The following HFE variants were observed in gnomAD, a reference collection of about 807,000 sequenced individuals.
HFE encodes the protein hereditary hemochromatosis protein.
A neutral mutation model predicts 40.9 loss-of-function variants in HFE; 36 were observed. The observed-to-expected ratio is 0.88, with a 90% confidence interval of 0.67 to 1.16. The LOEUF is 1.16. HFE is among the 50% of genes most tolerant of loss of function. The pLI is 0.00. For synonymous variants in HFE, 157 were observed against 165.4 expected (o/e 0.95, Z 0.39); for missense variants, 376 against 432.0 (o/e 0.87, Z 1.15).
rs1264255372 is a variant in HFE at position 26,094,625 on chromosome 6, G to A, written c.*399G>A. 1.6e-6 allele frequency: 1 copy of A among 609,828 alleles called. No individual in the cohort carries two copies. The highest frequency in any genetic ancestry group is 1.9e-5 in the African/African-American group (1 of 53,976). The allele number at this position is 609,828 out of a possible 1,614,324, so 37.8% of individuals were successfully genotyped here. On this transcript the variant is annotated 3_prime_UTR_variant, in exon 6 of 6. Coordinates refer to ENST00000357618, the MANE Select transcript of HFE (RefSeq NM_000410.4). ...ATCTGAGAAAAGCTTTGAACCCTGGGACGTGGCTAGTCATAACCTTACCAG... is the reference window on the plus strand; with the variant it reads ...ATCTGAGAAAAGCTTTGAACCCTGGAACGTGGCTAGTCATAACCTTACCAG...
At chr6:26,091,226 G>A in intron 2 of HFE, 88 bp from the exon 3 acceptor site, 1 of 1,603,136 alleles carries the variant, frequency 6.2e-7, no homozygotes, top group Non-Finnish European at 8.5e-7. Flanking sequence ...GAAGGAATTT[G>A]CTTCCTGAGA....
rs1052441985 is a variant in HFE at position 26,094,316 on chromosome 6, G to C, written c.*90G>C. The C allele has an allele frequency of 3.4e-5, 41 of 1,197,714 alleles. No homozygotes were observed. The African/African-American group carries it at 4.6e-4, about 14-fold the overall frequency. The allele number at this position is 1,197,714 out of a possible 1,614,324, so 74.2% of individuals were successfully genotyped here. Reference sequence around the variant, plus strand: ...TATGAGCTCTTCATGTTTCAGGAGAGAGTTGAACCTAAACATAGAAATTGC... The same window carrying C: ...TATGAGCTCTTCATGTTTCAGGAGACAGTTGAACCTAAACATAGAAATTGC... On this transcript the variant is annotated 3_prime_UTR_variant, in exon 6 of 6. Coordinates refer to ENST00000357618, the MANE Select transcript of HFE (RefSeq NM_000410.4).
chr6:26,092,484 G>T, intron 3 of HFE: 1 of 808,622 alleles, frequency 1.2e-6, no homozygotes, highest in South Asian at 1.4e-5. Context: ...CATGTGAGGA[G>T]AACAAGCTGA....
intron 1 of HFE, among the ~76,000 whole-genome samples, chr6:26,090,172 G>A (rs1762577604): frequency 6.6e-6 from 1 of 152,020 alleles, no homozygotes; most frequent in African/African-American, 2.4e-5. Flanking sequence ...GGCTGGGCAC[G>A]GTGGCTCACT....
At position 26,096,426 on chromosome 6, in the gene HFE, G is replaced by T. The variant is rs1329461913; in HGVS notation, c.*2200G>T. On this transcript the variant is annotated 3_prime_UTR_variant, in exon 6 of 6. Coordinates refer to ENST00000357618, the MANE Select transcript of HFE (RefSeq NM_000410.4). ...TGAGATTACAGGTGTGAGCCACCCTGCCCAGCCGTCAAAAGAGTCTTAATA... is the reference window on the plus strand; with the variant it reads ...TGAGATTACAGGTGTGAGCCACCCTTCCCAGCCGTCAAAAGAGTCTTAATA... 2.2e-6 allele frequency: 1 copy of T among 455,210 alleles called. No individual in the cohort carries two copies. Among genetic ancestry groups the T allele is most frequent in the African/African-American group, 2.0e-5 (1 of 49,992 alleles). 28.2% of individuals were successfully genotyped at this position (455,210 alleles called of 1,614,324 possible). A position where few individuals can be genotyped will look rare whatever the true frequency, so the allele number is the denominator to read the frequency against.
intron 2 of HFE, 78 bp from the exon 3 acceptor site, chr6:26,091,236 A>T (rs1339469501): frequency 2.6e-5 from 42 of 1,609,074 alleles, no homozygotes; most frequent in Non-Finnish European, 3.5e-5. Context: ...GCTTCCTGAG[A>T]TCATTTGGTC....
Position 26,096,392 on chromosome 6 carries a change from C to A in HFE, c.*2166C>A, listed in dbSNP as rs1249256047. The A allele has an allele frequency of 2.2e-6, 1 of 453,026 alleles. No homozygotes were observed. Among genetic ancestry groups the A allele is most frequent in the East Asian group, 7.0e-5 (1 of 14,352 alleles). 28.1% of individuals were successfully genotyped at this position (453,026 alleles called of 1,614,324 possible). ...CTCGTGATCCGCCTGCCTCGGCCTC[C>A]CAAAGTGCTGAGATTACAGGTGTGA... On this transcript the variant is annotated 3_prime_UTR_variant, in exon 6 of 6. Coordinates refer to ENST00000357618, the MANE Select transcript of HFE (RefSeq NM_000410.4).
At chr6:26,093,338 T>C (rs1211128326) in intron 5 of HFE, 106 bp downstream of exon 5, 6 of 805,060 alleles carry the variant, frequency 7.5e-6, no homozygotes, top group Non-Finnish European at 1.3e-5. Context: ...TTCTCATTTA[T>C]ATTCTTTGGG....
rs925379061 is a variant in HFE at position 26,094,281 on chromosome 6, G to A, written c.*55G>A. The A allele has an allele frequency of 3.3e-6, 5 of 1,525,146 alleles. No individual in the cohort carries two copies. The highest frequency in any genetic ancestry group is 4.5e-6 in the Non-Finnish European group (5 of 1,099,648). 94.5% of individuals were successfully genotyped at this position (1,525,146 alleles called of 1,614,324 possible). ...GAGACAAAACTAGAGACTCAAAGAG[G>A]GAGTGCATTTATGAGCTCTTCATGT... On this transcript the variant is annotated 3_prime_UTR_variant, in exon 6 of 6. Coordinates refer to ENST00000357618, the MANE Select transcript of HFE (RefSeq NM_000410.4).
chr6:26,088,937 G>C (rs187068984), intron 1 of HFE, among the ~76,000 whole-genome samples: 4 of 150,398 alleles, frequency 2.7e-5, no homozygotes, highest in African/African-American at 9.7e-5. Flanking sequence ...CATGGGTGTT[G>C]TGAGAAGCAG....
Position 26,091,096 on chromosome 6 carries a change from A to C in HFE, c.332A>C (p.His111Pro), listed in dbSNP as rs1401148479. 6.2e-7 allele frequency: 1 copy of C among 1,613,986 alleles called. No homozygotes were observed. Among genetic ancestry groups the C allele is most frequent in the African/African-American group, 1.3e-5 (1 of 74,882 alleles). The change falls in exon 2 of 6, where the codon CAC (histidine) becomes CCC (proline). Residue 111 changes from histidine to proline, a missense_variant. Coordinates refer to ENST00000357618, the MANE Select transcript of HFE (RefSeq NM_000410.4). ...TGGACTATTATGGAAAATCACAACC[A>C]CAGCAAGGGTATGTGGAGAGGGGGC... ...DFWTIMENHN[H>P]SKESHTLQVI...
chr6:26,089,108 T>TGGG (rs60292295), intron 1 of HFE, among the ~76,000 whole-genome samples: 4 of 56,356 alleles, frequency 7.1e-5, no homozygotes, highest in Admixed American at 2.1e-4. Flanking sequence ...TGTGTGTGTG[T>TGGG]GGGGGGGGGG....
rs1041777421 is a variant in HFE, at chr6:26,091,079, T to C, written c.315T>C (p.Ile105=). 6.2e-7 allele frequency: 1 copy of C among 1,614,206 alleles called. No individual in the cohort carries two copies. The highest frequency in any genetic ancestry group is 1.7e-5 in the Admixed American group (1 of 60,028). Residue 105 remains isoleucine (I), a synonymous_variant, in exon 2 of 6, where the codon ATT becomes ATC. Coordinates refer to ENST00000357618, the MANE Select transcript of HFE (RefSeq NM_000410.4). The stretch of plus-strand genomic sequence containing the variant: ...TGTTCACTGTTGACTTCTGGACTAT[T>C]ATGGAAAATCACAACCACAGCAAGG... ...DHMFTVDFWT[I]MENHNHSKES...
chr6:26,091,073 G>C lies in HFE; in HGVS notation c.309G>C (p.Trp103Cys). The part of the protein sequence containing the change: ...GWDHMFTVDF[W>C]TIMENHNHSK... ...ATCACATGTTCACTGTTGACTTCTG[G>C]ACTATTATGGAAAATCACAACCACA... The change falls in exon 2 of 6, where the codon TGG becomes TGC. Residue 103 changes from tryptophan to cysteine, a missense_variant. By Grantham distance (215) the Trp-to-Cys change is radical (BLOSUM62 -2). Transcript: ENST00000357618. 6.2e-7 allele frequency: 1 copy of C among 1,614,142 alleles called. No individual in the cohort carries two copies. Among genetic ancestry groups the C allele is most frequent in the Admixed American group, 1.7e-5 (1 of 60,018 alleles).
In HFE at chr6:26,092,861, C is replaced by T; in HGVS notation, c.793C>T (p.Gln265Ter). 6.2e-7 allele frequency: 1 copy of T among 1,614,184 alleles called. No individual in the cohort carries two copies. ...ATTGCCCAATGGGGATGGGACCTAC[C>T]AGGGCTGGATAACCTTGGCTGTACC... ...DVLPNGDGTY[Q>*]GWITLAVPPG... Residue 265 changes from glutamine (Q) to a stop codon, truncating the protein, a stop_gained, in exon 4 of 6, where the codon CAG (glutamine) becomes TAG (stop). Transcript: ENST00000357618. LOFTEE classifies it high-confidence loss of function.
rs56267433 is a variant in HFE at position 26,090,442 on chromosome 6, CAAAAAAAAAAAA to C, written c.77-381_77-370del. ...TGGGTGATAGAGTGAGACTCTGTCT[CAAAAAAAAAAAA>C]AAAAAAAAAAAAAAAAACTGAAGGA... On this transcript the variant is annotated intron_variant, in intron 1 of 5. Coordinates refer to ENST00000357618, the MANE Select transcript of HFE (RefSeq NM_000410.4). Among the ~76,000 whole-genome samples, 16 of 36,728 alleles carry C rather than the reference CAAAAAAAAAAAA, an allele frequency of 4.4e-4. No individual in the cohort carries two copies. The East Asian group carries it at 7.4e-3, about 17-fold the overall frequency. The allele number at this position is 36,728 out of a possible 152,430, so 24.1% of individuals were successfully genotyped here. A position where few individuals can be genotyped will look rare whatever the true frequency, so the allele number is the denominator to read the frequency against.
intron 3 of HFE, 194 bp from the exon 4 acceptor site, chr6:26,092,491 C>G: frequency 1.2e-6 from 1 of 840,426 alleles, no homozygotes; most frequent in Non-Finnish European, 2.0e-6. Flanking sequence ...GGAGAACAAG[C>G]TGATCTGACT....
chr6:26,091,471 G>A lies in HFE; in HGVS notation c.498G>A (p.Lys166=). 6.2e-7 allele frequency: 1 copy of A among 1,614,186 alleles called. No homozygotes were observed. Among genetic ancestry groups the A allele is most frequent in the Non-Finnish European group, 8.5e-7 (1 of 1,180,022 alleles). The change falls in exon 3 of 6, where the codon AAG becomes AAA. Residue 166 remains lysine (K), a synonymous_variant. Coordinates refer to ENST00000357618, the MANE Select transcript of HFE (RefSeq NM_000410.4). ...RAAEPRAWPT[K]LEWERHKIRA... ...CAGAACCCAGGGCCTGGCCCACCAA[G>A]CTGGAGTGGGAAAGGCACAAGATTC...
In HFE at chr6:26,092,747, G is replaced by A; in HGVS notation, c.679G>A (p.Ala227Thr). 6.2e-7 allele frequency: 1 copy of A among 1,614,174 alleles called. No homozygotes were observed. Among genetic ancestry groups the A allele is most frequent in the South Asian group, 1.1e-5 (1 of 91,086 alleles). ...TSSVTTLRCR[A>T]LNYYPQNITM... ...TTCAGTGACCACTCTACGGTGTCGGGCCTTGAACTACTACCCCCAGAACAT... is the reference window on the plus strand; with the variant it reads ...TTCAGTGACCACTCTACGGTGTCGGACCTTGAACTACTACCCCCAGAACAT... The change falls in exon 4 of 6, where the codon GCC becomes ACC. Residue 227 changes from alanine to threonine, a missense_variant. This residue lies in a region of HFE where 173 missense variants were observed against 186.9 expected (regional missense o/e 0.93). Coordinates refer to ENST00000357618, the MANE Select transcript of HFE (RefSeq NM_000410.4).
Sources: allele counts gnomAD v4.1 joint callset (sites outside exome capture counted in the v4.1 genomes callset), GRCh38; gene constraint gnomAD v4.1.1; regional missense constraint gnomAD v4.1.1; transcripts MANE v1.5; gene names NCBI Gene and HGNC (gene_info 2026-07-23, HGNC 2026-07-21).